Variants in AIM2 observed in about 807,000 individuals in gnomAD.
AIM2 encodes the protein absent in melanoma 2.
AIM2 carries 30 observed loss-of-function variants against 27.7 expected under a neutral mutation model. That is an observed-to-expected ratio of 1.08 (90% CI 0.81 to 1.47). The LOEUF (loss-of-function observed/expected upper bound fraction) is 1.47, where lower values mean the gene tolerates loss of function less well. Ranked by LOEUF, AIM2 falls within the 40% of genes most tolerant of loss-of-function variation. The pLI, the probability that AIM2 is intolerant of heterozygous loss-of-function variation, is 0.00. For synonymous variants in AIM2, 141 were observed against 145.3 expected, an observed-to-expected ratio of 0.97 and a Z score of 0.21; for missense variants, 358 against 411.3, an observed-to-expected ratio of 0.87 and a Z score of 1.12.
chr1:159,070,923 A>G (rs1445896239), intron 2 of AIM2, among the ~76,000 whole-genome samples: 1 of 152,224 alleles, frequency 6.6e-6, no homozygotes, highest in African/African-American at 2.4e-5. Context: ...CTACCACATC[A>G]CATCAGCCAT....
At chr1:159,079,301 T>A (rs1010956756), upstream of AIM2, among the ~76,000 whole-genome samples, 2 of 152,022 alleles carry the variant, frequency 1.3e-5, no homozygotes, top group Non-Finnish European at 2.9e-5. Flanking sequence ...TTAAAGCTAA[T>A]AGAGTGATAA....
chr1:159,058,038 G>T (rs1434852551), downstream of AIM2, among the ~76,000 whole-genome samples: 1 of 152,138 alleles, frequency 6.6e-6, no homozygotes, highest in African/African-American at 2.4e-5. Context: ...GATAAACTTG[G>T]AGTTCTTGGA....
At chr1:159,129,842 T>G (rs1013719937) in intron 1 of AIM2, among the ~76,000 whole-genome samples, 3 of 152,330 alleles carry the variant, frequency 2.0e-5, no homozygotes, top group Admixed American at 2.0e-4. Flanking sequence ...TACCATTCCC[T>G]GTCAAACAAA....
rs57305983 is a variant in AIM2, at chr1:159,093,733, CAGAGAG to C, written c.-15-27410_-15-27405del. Among the ~76,000 whole-genome samples, 435 of 143,924 alleles carry C rather than the reference CAGAGAG, an allele frequency of 3.0e-3. 3 individuals carry two copies. The highest frequency in any genetic ancestry group is 9.4e-3 in the African/African-American group (365 of 39,024). 94.4% of individuals were successfully genotyped at this position (143,924 alleles called of 152,430 possible). A position where few individuals can be genotyped will look rare whatever the true frequency, so the allele number is the denominator to read the frequency against. ...ATATATGTATGTGTATATATATATA[CAGAGAG>C]AGAGAGAGAGAGAGAGAGACGGAGT... On this transcript the variant is annotated intron_variant, in intron 1 of 2. Transcript: ENST00000368129.
chr1:159,081,694 A>C (rs754136049), upstream of AIM2: 1 of 236,392 alleles, frequency 4.2e-6, no homozygotes, highest in Non-Finnish European at 9.0e-6. Context: ...CAAAAATAAA[A>C]GGACAATTAA....
At chr1:159,147,092 A>G (rs958347841) in exon 1 of AIM2, 1 of 152,056 alleles carries the variant, frequency 6.6e-6, no homozygotes, top group Non-Finnish European at 1.5e-5. Context: ...CAACACACCT[A>G]TATTTGTTTT....
intron 1 of AIM2, among the ~76,000 whole-genome samples, chr1:159,137,385 GGTGGCTCACACCT>G (rs1417882816): frequency 2.6e-5 from 4 of 152,136 alleles, no homozygotes; most frequent in Admixed American, 6.5e-5. Context: ...GGCTGGGCGT[GGTGGCTCACACCT>G]GTAATCCCAG....
intron 1 of AIM2, among the ~76,000 whole-genome samples, chr1:159,083,069 T>C (rs1440062958): frequency 6.6e-6 from 1 of 152,194 alleles, no homozygotes; most frequent in Non-Finnish European, 1.5e-5. Context: ...TGGAACAAAT[T>C]ATTAAAGATA....
Position 159,092,680 on chromosome 1 carries a change from G to A in AIM2, c.-15-26351C>T, listed in dbSNP as rs1657074052. ...GAGAAACCAAGATGCAGAGGAAAGAGGATAGGTTACTTGCCTGAGGTTACA... is the reference window on the plus strand; with the variant it reads ...GAGAAACCAAGATGCAGAGGAAAGAAGATAGGTTACTTGCCTGAGGTTACA... On this transcript the variant is annotated intron_variant, in intron 1 of 2. Transcript: ENST00000368129. Among the ~76,000 whole-genome samples, 4 of 152,274 alleles carry A rather than the reference G, an allele frequency of 2.6e-5. No individual in the cohort carries two copies. In the South Asian group the frequency reaches 8.3e-4, roughly 32 times the overall value.
intron 2 of AIM2, among the ~76,000 whole-genome samples, chr1:159,072,183 G>A (rs560524338): frequency 1.3e-5 from 2 of 152,300 alleles, no homozygotes; most frequent in South Asian, 2.1e-4. Context: ...CCATCTAAGG[G>A]CCATCTCTAA....
At chr1:159,116,920 C>T (rs1647367527) in intron 1 of AIM2, among the ~76,000 whole-genome samples, 1 of 150,068 alleles carries the variant, frequency 6.7e-6, no homozygotes, top group African/African-American at 2.5e-5. Context: ...GGAGAAAATT[C>T]AAGAAGGAAA....
intron 1 of AIM2, among the ~76,000 whole-genome samples, chr1:159,132,931 T>C (rs995906346): frequency 6.6e-6 from 1 of 152,238 alleles, no homozygotes; most frequent in South Asian, 2.1e-4. Context: ...TTCTCAGTTA[T>C]TCTCTGTTCA....
downstream of AIM2, chr1:159,062,437 G>A (rs904351293): frequency 1.5e-5 from 8 of 517,738 alleles, no homozygotes; most frequent in Admixed American, 7.1e-5. Context: ...AAGTATTTTC[G>A]CTTGAGACAA....
intron 1 of AIM2, chr1:159,132,345 T>A (rs1022964502): frequency 6.6e-6 from 1 of 151,774 alleles, no homozygotes; most frequent in Non-Finnish European, 1.5e-5. Context: ...GATTGCGCCA[T>A]CGTACTCCAG....
chr1:159,060,071 C>A (rs1655782264), downstream of AIM2, among the ~76,000 whole-genome samples: 1 of 152,126 alleles, frequency 6.6e-6, no homozygotes, highest in Admixed American at 6.5e-5. Context: ...TGCAATAGCA[C>A]CAAAGCCGAC....
At chr1:159,077,365 G>A (rs551058284), upstream of AIM2, among the ~76,000 whole-genome samples, 2 of 152,324 alleles carry the variant, frequency 1.3e-5, no homozygotes, top group South Asian at 4.1e-4. Flanking sequence ...GACTAAAGAT[G>A]GTTAATCCGG....
chr1:159,126,636 G>A (rs1027029424), intron 1 of AIM2, among the ~76,000 whole-genome samples: 6 of 124,366 alleles, frequency 4.8e-5, no homozygotes, highest in East Asian at 2.3e-4. Context: ...GTGACAGAGC[G>A]AGACTACGTC....
At chr1:159,139,635 C>T (rs1438731277) in intron 1 of AIM2, among the ~76,000 whole-genome samples, 1 of 152,142 alleles carries the variant, frequency 6.6e-6, no homozygotes, top group Non-Finnish European at 1.5e-5. Context: ...AATGACAAGA[C>T]AAAATCAGGC....
the AIM2 span, among the ~76,000 whole-genome samples, chr1:159,056,578 G>C: frequency 2.6e-5 from 4 of 151,864 alleles, no homozygotes; most frequent in African/African-American, 9.7e-5. Context: ...ACTGGAGTTT[G>C]ATGGCCTGAA....
Sources: allele counts gnomAD v4.1 joint callset (sites outside exome capture counted in the v4.1 genomes callset), GRCh38; gene constraint gnomAD v4.1.1; transcripts MANE v1.5; gene names NCBI Gene and HGNC (gene_info 2026-07-23, HGNC 2026-07-21).